SUCLG2: variants seen among roughly 807,000 people sequenced by gnomAD.
SUCLG2 encodes the protein succinate--CoA ligase [GDP-forming] subunit beta, mitochondrial.
In SUCLG2, 42 loss-of-function variants were observed where a neutral mutation model predicts 47.9. The observed-to-expected ratio is 0.88, with a 90% CI of 0.69 to 1.14. The LOEUF is 1.14. Ranked by LOEUF, SUCLG2 falls within the 50% of genes most tolerant of loss-of-function variation. The pLI is 0.00. For missense variants in SUCLG2, 571 were observed against 525.9 expected, an observed-to-expected ratio of 1.09 and a Z score of -0.84; for synonymous variants, 195 against 197.3, an observed-to-expected ratio of 0.99 and a Z score of 0.10.
At position 67,374,825 on chromosome 3, in the gene SUCLG2, C is replaced by T. The variant is rs1487863735; in HGVS notation, c.*919G>A. 2.1e-6 allele frequency: 2 copies of T among 943,110 alleles called. No individual in the cohort carries two copies. The highest frequency in any genetic ancestry group is 2.1e-5 in the African/African-American group (1 of 48,778). 58.4% of individuals were successfully genotyped at this position (943,110 alleles called of 1,614,324 possible). ...CCTTTCCCACAACAAAATTGGACATCATGGAAAAAAAAAACACATTCAAAT... is the reference window on the plus strand; with the variant it reads ...CCTTTCCCACAACAAAATTGGACATTATGGAAAAAAAAAACACATTCAAAT... On this transcript the variant is annotated 3_prime_UTR_variant, in exon 11 of 11. Transcript: ENST00000307227.
At chr3:67,483,399 T>C (rs978999141) in intron 9 of SUCLG2, among the ~76,000 whole-genome samples, 7 of 152,202 alleles carry the variant, frequency 4.6e-5, no homozygotes, top group Non-Finnish European at 1.0e-4. Flanking sequence ...GGCGATGACA[T>C]TTCTTTCTCT....
chr3:67,361,318 G>C (rs1701801217), intron 10 of SUCLG2, among the ~76,000 whole-genome samples: 1 of 152,160 alleles, frequency 6.6e-6, no homozygotes, highest in South Asian at 2.1e-4. Context: ...TTAATGCATA[G>C]AGTATAAATC....
intron 1 of SUCLG2, among the ~76,000 whole-genome samples, chr3:67,639,977 A>G (rs1701071806): frequency 6.6e-6 from 1 of 152,248 alleles, no homozygotes; most frequent in Admixed American, 6.5e-5. Flanking sequence ...TTAAAGATAG[A>G]GAAAACTTTA....
intron 9 of SUCLG2, among the ~76,000 whole-genome samples, chr3:67,442,158 C>T (rs1452164129): frequency 6.7e-6 from 1 of 148,868 alleles, no homozygotes; most frequent in African/African-American, 2.5e-5. Flanking sequence ...CTACAGGCGC[C>T]CGCCACTACG....
intron 9 of SUCLG2, among the ~76,000 whole-genome samples, chr3:67,410,655 T>A (rs763010324): frequency 6.6e-6 from 1 of 152,028 alleles, no homozygotes; most frequent in Non-Finnish European, 1.5e-5. Flanking sequence ...TACCATAATG[T>A]ATAATTTGGC....
intron 2 of SUCLG2, among the ~76,000 whole-genome samples, chr3:67,607,917 G>C (rs11915709): frequency 1.2e-4 from 19 of 152,122 alleles, no homozygotes; most frequent in Admixed American, 1.0e-3. Flanking sequence ...CAGCCATGCG[G>C]AACTGTGAGT....
At chr3:67,518,987 C>A (rs954179971) in intron 5 of SUCLG2, among the ~76,000 whole-genome samples, 1 of 152,022 alleles carries the variant, frequency 6.6e-6, no homozygotes, top group African/African-American at 2.4e-5. Context: ...TATTTTAAAA[C>A]CAATCACTGC....
chr3:67,493,254 C>T (rs1320774545), intron 9 of SUCLG2, among the ~76,000 whole-genome samples: 1 of 152,174 alleles, frequency 6.6e-6, no homozygotes, highest in Non-Finnish European at 1.5e-5. Flanking sequence ...ATTGAAAATA[C>T]TCATTACATT....
intron 1 of SUCLG2, among the ~76,000 whole-genome samples, chr3:67,636,560 G>T (rs549424888): frequency 1.7e-4 from 26 of 152,060 alleles, no homozygotes; most frequent in Non-Finnish European, 2.6e-4. Flanking sequence ...CACCGTGTTA[G>T]CCAGGATGGT....
intron 9 of SUCLG2, among the ~76,000 whole-genome samples, chr3:67,457,197 T>C (rs531328830): frequency 1.3e-5 from 2 of 152,330 alleles, no homozygotes; most frequent in African/African-American, 4.8e-5. Context: ...GGTTAAGACC[T>C]GTGCCTCTGA....
intron 9 of SUCLG2, among the ~76,000 whole-genome samples, chr3:67,463,705 T>C (rs1263127029): frequency 1.3e-5 from 2 of 152,304 alleles, no homozygotes; most frequent in African/African-American, 4.8e-5. Flanking sequence ...ACTGTTAGCC[T>C]GGAAAATATT....
intron 9 of SUCLG2, among the ~76,000 whole-genome samples, chr3:67,417,320 A>T (rs1040254326): frequency 2.1e-4 from 32 of 152,356 alleles, no homozygotes; most frequent in Non-Finnish European, 4.0e-4. Flanking sequence ...GGCAGTCATC[A>T]TTGCTAGCTG....
At chr3:67,566,821 TTTATAA>T (rs1707463781) in intron 2 of SUCLG2, among the ~76,000 whole-genome samples, 2 of 152,246 alleles carry the variant, frequency 1.3e-5, no homozygotes. Context: ...AATAGTTTCC[TTTATAA>T]TTATAGATTC....
intron 7 of SUCLG2, among the ~76,000 whole-genome samples, chr3:67,503,851 G>A (rs1705567485): frequency 6.6e-6 from 1 of 152,210 alleles, no homozygotes; most frequent in Admixed American, 6.5e-5. Flanking sequence ...AGTGGCGTGA[G>A]ATTCTGTGAG....
intron 2 of SUCLG2, among the ~76,000 whole-genome samples, chr3:67,540,815 G>T (rs900807726): frequency 6.6e-6 from 1 of 152,286 alleles, no homozygotes. Flanking sequence ...GGCATCTGGG[G>T]GGTGCCCCTC....
At chr3:67,633,263 T>C (rs187371204) in intron 1 of SUCLG2, among the ~76,000 whole-genome samples, 24 of 152,352 alleles carry the variant, frequency 1.6e-4, no homozygotes, top group Non-Finnish European at 2.9e-4. Flanking sequence ...TTCTCTAATT[T>C]TATGCTAGAT....
At chr3:67,500,822 C>A (rs1372629233) in intron 7 of SUCLG2, among the ~76,000 whole-genome samples, 2 of 152,112 alleles carry the variant, frequency 1.3e-5, no homozygotes, top group Non-Finnish European at 2.9e-5. Flanking sequence ...TAAAGGAATT[C>A]TTGGTTGAGA....
chr3:67,642,849 C>G (rs967534170), intron 1 of SUCLG2, among the ~76,000 whole-genome samples: 17 of 150,790 alleles, frequency 1.1e-4, no homozygotes, highest in African/African-American at 2.2e-4. Context: ...GAAAAGGACT[C>G]TGTGTGTGTG....
intron 10 of SUCLG2, among the ~76,000 whole-genome samples, chr3:67,383,994 TC>T (rs1702211543): frequency 6.6e-6 from 1 of 152,220 alleles, no homozygotes; most frequent in Non-Finnish European, 1.5e-5. Context: ...CCATGCATAC[TC>T]TAATTTACGG....
Sources: gnomAD v4.1 joint callset for allele counts (sites outside exome capture counted in the v4.1 genomes callset) on GRCh38, gnomAD v4.1.1 for gene constraint, MANE v1.5 for transcripts, NCBI Gene and HGNC (gene_info 2026-07-23, HGNC 2026-07-21) for gene names.